Variants in ZBTB7C observed in about 807,000 individuals in gnomAD.
The protein encoded by ZBTB7C is zinc finger and BTB domain-containing protein 7C.
A neutral mutation model predicts 25.7 loss-of-function variants in ZBTB7C; 8 were observed. That is an observed-to-expected ratio of 0.31 (90% CI 0.18 to 0.56). The LOEUF (loss-of-function observed/expected upper bound fraction) is 0.56, where lower values mean the gene tolerates loss of function less well. Ranked by LOEUF, ZBTB7C falls within the 20% of genes least tolerant of loss-of-function variation. ZBTB7C has a pLI of 0.91. For missense variants in ZBTB7C, 824 were observed against 855.2 expected, an observed-to-expected ratio of 0.96 and a Z score of 0.46; for synonymous variants, 394 against 369.0, an observed-to-expected ratio of 1.07 and a Z score of -0.78.
intron 3 of ZBTB7C, among the ~76,000 whole-genome samples, chr18:48,175,156 C>A (rs539493389): frequency 6.6e-6 from 1 of 152,054 alleles, no homozygotes; most frequent in Non-Finnish European, 1.5e-5. Flanking sequence ...AAAAAAGGAA[C>A]CTAACTGTAG....
intron 3 of ZBTB7C, among the ~76,000 whole-genome samples, chr18:48,079,680 T>C (rs897608643): frequency 6.6e-6 from 1 of 152,212 alleles, no homozygotes; most frequent in Admixed American, 6.5e-5. Context: ...TCCAGACCCA[T>C]ACTCTTAGCA....
intron 3 of ZBTB7C, among the ~76,000 whole-genome samples, chr18:48,138,098 C>T (rs1356296321): frequency 5.9e-5 from 9 of 152,232 alleles, no homozygotes; most frequent in East Asian, 1.9e-4. Context: ...CATCTTACCC[C>T]GGTGCCATGG....
intron 1 of ZBTB7C, among the ~76,000 whole-genome samples, chr18:48,360,953 G>A (rs962399700): frequency 6.6e-6 from 1 of 152,166 alleles, no homozygotes; most frequent in Non-Finnish European, 1.5e-5. Context: ...GGTCACAGGT[G>A]TGTTTTGTTT....
At position 48,100,743 on chromosome 18, in the gene ZBTB7C, G is replaced by A. The variant is rs570388092; in HGVS notation, c.-16-59620C>T. Among the ~76,000 whole-genome samples, 35 of 152,332 alleles carry A rather than the reference G, an allele frequency of 2.3e-4. No individual in the cohort carries two copies. In the South Asian group the frequency reaches 6.8e-3, roughly 30 times the overall value. On this transcript the variant is annotated intron_variant, in intron 3 of 4. Transcript: ENST00000590800. ...GCCGCATTTCTTGTCACAGGGTTTG[G>A]TAATGGAGGCTGAAGCAACCCCCTG...
At chr18:48,160,978 G>A (rs1437566447) in intron 3 of ZBTB7C, among the ~76,000 whole-genome samples, 1 of 150,974 alleles carries the variant, frequency 6.6e-6, no homozygotes, top group Non-Finnish European at 1.5e-5. Flanking sequence ...GCAGTGGGGG[G>A]TCGTCTTTGA....
At chr18:48,078,418 C>T (rs1041965090) in intron 3 of ZBTB7C, among the ~76,000 whole-genome samples, 1 of 152,170 alleles carries the variant, frequency 6.6e-6, no homozygotes, top group Non-Finnish European at 1.5e-5. Flanking sequence ...GGGGGGCATA[C>T]CTTCAGGATG....
chr18:48,270,705 A>AG (rs2044459010), intron 2 of ZBTB7C, among the ~76,000 whole-genome samples: 1 of 150,554 alleles, frequency 6.6e-6, no homozygotes, highest in Non-Finnish European at 1.5e-5. Flanking sequence ...AAAAAAAAAA[A>AG]AAATTTTTAT....
At chr18:48,156,738 C>T (rs1568263938) in intron 3 of ZBTB7C, among the ~76,000 whole-genome samples, 1 of 152,114 alleles carries the variant, frequency 6.6e-6, no homozygotes, top group Non-Finnish European at 1.5e-5. Context: ...TCTTTCCTTG[C>T]TTCAACTGGG....
chr18:48,227,346 T>C (rs1209288053), intron 2 of ZBTB7C, among the ~76,000 whole-genome samples: 1 of 152,252 alleles, frequency 6.6e-6, no homozygotes, highest in African/African-American at 2.4e-5. Flanking sequence ...TCCCATTGAA[T>C]TCTCGCTCCA....
intron 1 of ZBTB7C, among the ~76,000 whole-genome samples, chr18:48,406,292 C>T (rs922514998): frequency 1.3e-5 from 2 of 152,134 alleles, no homozygotes; most frequent in South Asian, 2.1e-4. Context: ...AACCCCACCA[C>T]TCCTTCATAC....
chr18:48,134,415 A>G (rs999464055), intron 3 of ZBTB7C, among the ~76,000 whole-genome samples: 1 of 152,072 alleles, frequency 6.6e-6, no homozygotes, highest in Non-Finnish European at 1.5e-5. Flanking sequence ...ACGAAGGAGG[A>G]CAGGATTCTC....
rs1354949854 is a variant in ZBTB7C at position 48,178,333 on chromosome 18, G to T, written c.-17+7601C>A. 2.6e-5 allele frequency among the ~76,000 whole-genome samples: 4 copies of T among 152,292 alleles called. No homozygotes were observed. In the East Asian group the frequency reaches 5.8e-4, roughly 22 times the overall value. On this transcript the variant is annotated intron_variant, in intron 3 of 4. Transcript: ENST00000590800. ...TCTCAGGGAGGGCATCTCAGGGAGG[G>T]GATCTGCTGCGAAGCCATTCGCACT... is the stretch of plus-strand genomic sequence containing the variant.
intron 2 of ZBTB7C, among the ~76,000 whole-genome samples, chr18:48,235,825 G>A (rs2043365030): frequency 6.6e-6 from 1 of 152,178 alleles, no homozygotes; most frequent in South Asian, 2.1e-4. Context: ...TCCTTTGTAG[G>A]ACATCCATCT....
At chr18:48,129,730 G>A (rs967281634) in intron 3 of ZBTB7C, among the ~76,000 whole-genome samples, 4 of 152,198 alleles carry the variant, frequency 2.6e-5, no homozygotes, top group East Asian at 3.9e-4. Flanking sequence ...CCTCTCTCTC[G>A]TTGAAAGGCA....
intron 3 of ZBTB7C, among the ~76,000 whole-genome samples, chr18:48,139,723 G>C (rs546679012): frequency 6.8e-4 from 98 of 144,398 alleles, no homozygotes; most frequent in Non-Finnish European, 4.7e-4. Context: ...AGCCTCCCTC[G>C]GTGCCAGCTG....
chr18:48,261,415 C>G (rs2044167440), intron 2 of ZBTB7C, among the ~76,000 whole-genome samples: 1 of 152,156 alleles, frequency 6.6e-6, no homozygotes, highest in Non-Finnish European at 1.5e-5. Flanking sequence ...AGAGACTGAA[C>G]AAATGGACTT....
At chr18:48,185,414 C>A in intron 3 of ZBTB7C, 1 of 360,206 alleles carries the variant, frequency 2.8e-6, no homozygotes, top group Non-Finnish European at 5.4e-6. Flanking sequence ...ATGCCTGCTG[C>A]TTCTCGTGGA....
intron 3 of ZBTB7C, among the ~76,000 whole-genome samples, chr18:48,054,286 C>T (rs868555467): frequency 6.6e-6 from 1 of 152,096 alleles, no homozygotes; most frequent in Non-Finnish European, 1.5e-5. Flanking sequence ...GAAGGGCGGC[C>T]GGAACCAGTT....
intron 2 of ZBTB7C, among the ~76,000 whole-genome samples, chr18:48,310,807 A>G (rs1388953705): frequency 1.3e-5 from 2 of 152,210 alleles, no homozygotes; most frequent in East Asian, 1.9e-4. Context: ...TCAGGCTGGC[A>G]GCAATAGCAT....
Sources: allele counts gnomAD v4.1 joint callset (sites outside exome capture counted in the v4.1 genomes callset), GRCh38; gene constraint gnomAD v4.1.1; transcripts MANE v1.5; gene names NCBI Gene and HGNC (gene_info 2026-07-23, HGNC 2026-07-21).